The following TTC34 variants were observed in gnomAD, a reference collection of about 807,000 sequenced individuals.
TTC34 encodes tetratricopeptide repeat domain 34.
TTC34 carries 44 observed loss-of-function variants against 40.7 expected under a neutral mutation model. The ratio of observed to expected loss-of-function variants is 1.08; its 90% confidence interval spans 0.85 to 1.39. The LOEUF (loss-of-function observed/expected upper bound fraction) is 1.39, where lower values mean the gene tolerates loss of function less well. Among genes scored for constraint, TTC34 ranks in the 40% most tolerant of loss-of-function variants. The pLI, the probability that TTC34 is intolerant of heterozygous loss-of-function variation, is 0.00. For missense variants in TTC34, 884 were observed against 838.0 expected (o/e 1.05, Z -0.68); for synonymous variants, 422 against 398.6 (o/e 1.06, Z -0.70).
intron 6 of TTC34, among the ~76,000 whole-genome samples, chr1:2,773,222 G>C (rs867231641): frequency 1.0e-4 from 2 of 19,814 alleles, no homozygotes; most frequent in East Asian, 1.9e-3. Context: ...CCACACCCCC[G>C]GGCGAGCATC....
At position 2,641,910 on chromosome 1, in the gene TTC34, CAGAG is replaced by C; in HGVS notation, c.2713-19_2713-16del. 1 of 1,456,952 alleles carries C rather than the reference CAGAG, an allele frequency of 6.9e-7. No homozygotes were observed. Among genetic ancestry groups the C allele is most frequent in the Non-Finnish European group, 9.0e-7 (1 of 1,107,136 alleles). The allele number at this position is 1,456,952 out of a possible 1,614,324, so 90.3% of individuals were successfully genotyped here. ...TGGGCCGCCGCCTGCACAGAGGACA[CAGAG>C]AGAGGCAGGGAGAGTGGGGTCAGCC... On this transcript the variant is annotated splice_polypyrimidine_tract_variant and intron_variant, in intron 8 of 8. Coordinates refer to ENST00000401095, the Ensembl canonical transcript of TTC34.
intron 6 of TTC34, among the ~76,000 whole-genome samples, chr1:2,694,971 AG>A (rs1640792840): frequency 6.7e-6 from 1 of 148,370 alleles, no homozygotes; most frequent in African/African-American, 2.4e-5. Flanking sequence ...AGCATCTGAC[AG>A]CCTGGAGCAG....
chr1:2,681,858 C>A (rs1269200288), intron 6 of TTC34, among the ~76,000 whole-genome samples: 17 of 102,222 alleles, frequency 1.7e-4, no homozygotes, highest in Non-Finnish European at 2.3e-4. Context: ...TGGAACAGAA[C>A]CCACACGCCC....
At chr1:2,787,573 C>A in exon 4 of TTC34, 2 of 1,546,962 alleles carry the variant, frequency 1.3e-6, no homozygotes, top group Non-Finnish European at 1.7e-6. Flanking sequence ...GATAGGGCCA[C>A]CAGCAGGGCC....
intron 6 of TTC34, among the ~76,000 whole-genome samples, chr1:2,695,117 A>G (rs78031288): frequency 0.02 from 307 of 15,566 alleles, 3 homozygotes; most frequent in African/African-American, 0.032. Flanking sequence ...CCCATACGCC[A>G]AGATGAGCAT....
chr1:2,752,287 G>A lies in TTC34; in HGVS notation c.2226+31322C>T, dbSNP rs1453135009. ...CTCTGACAGCCTGGAACAGCACCTT[G>A]CACCCCCAGGGGAGCATCTGACAGC... is the stretch of plus-strand genomic sequence containing the variant. On this transcript the variant is annotated intron_variant, in intron 6 of 8. Transcript: ENST00000401095. Among the ~76,000 whole-genome samples, 3 of 72,686 alleles carry A rather than the reference G, an allele frequency of 4.1e-5. 1 individual carries two copies. The highest frequency in any genetic ancestry group is 7.4e-5 in the Non-Finnish European group (3 of 40,594). 47.7% of individuals were successfully genotyped at this position (72,686 alleles called of 152,430 possible).
intron 2 of TTC34, among the ~76,000 whole-genome samples, chr1:2,794,196 C>G (rs1011063974): frequency 6.6e-6 from 1 of 151,918 alleles, no homozygotes; most frequent in African/African-American, 2.4e-5. Context: ...TTGTAGAGAC[C>G]AGTTCCCACT....
chr1:2,748,509 C>CTCCCACACCCCTAGGTG (rs1641219042), intron 6 of TTC34, among the ~76,000 whole-genome samples: 2 of 120,212 alleles, frequency 1.7e-5, no homozygotes, highest in African/African-American at 3.1e-5. Flanking sequence ...TAGCCTGGAG[C>CTCCCACACCCCTAGGTG]AGCACCCACA....
intron 5 of TTC34, among the ~76,000 whole-genome samples, chr1:2,785,545 G>T (rs148514442): frequency 6.6e-6 from 1 of 152,190 alleles, no homozygotes; most frequent in African/African-American, 2.4e-5. Context: ...AGGACTGGGG[G>T]TGCTGGGACG....
chr1:2,685,799 C>G (rs542044449), intron 6 of TTC34, among the ~76,000 whole-genome samples: 13 of 96,008 alleles, frequency 1.4e-4, no homozygotes, highest in African/African-American at 5.5e-4. Flanking sequence ...GAACCCACAC[C>G]CCCAGGTGAG....
intron 5 of TTC34, among the ~76,000 whole-genome samples, chr1:2,784,138 G>A (rs567564345): frequency 5.3e-5 from 8 of 152,270 alleles, no homozygotes; most frequent in Non-Finnish European, 8.8e-5. Context: ...TACAAGACGA[G>A]GGGGGCAGGG....
At chr1:2,777,505 G>A (rs1643276916) in intron 6 of TTC34, among the ~76,000 whole-genome samples, 1 of 152,200 alleles carries the variant, frequency 6.6e-6, no homozygotes, top group Non-Finnish European at 1.5e-5. Context: ...TTTCCACCAG[G>A]TGAGCATATG....
intron 6 of TTC34, among the ~76,000 whole-genome samples, chr1:2,765,763 T>C (rs1437776212): frequency 2.8e-4 from 9 of 32,364 alleles, no homozygotes; most frequent in Non-Finnish European, 3.7e-4. Context: ...CACCCCCAGG[T>C]GAGCATGTGA....
intron 6 of TTC34, among the ~76,000 whole-genome samples, chr1:2,757,309 C>CTT (rs1641537722): frequency 8.4e-6 from 1 of 118,928 alleles, no homozygotes; most frequent in Non-Finnish European, 1.7e-5. Context: ...GCACCCACAC[C>CTT]CCCAGGCGAG....
chr1:2,786,976 G>A (rs1643598922), intron 4 of TTC34, among the ~76,000 whole-genome samples: 1 of 152,188 alleles, frequency 6.6e-6, no homozygotes, highest in Admixed American at 6.5e-5. Flanking sequence ...TCCCACCAGA[G>A]TGTAACCTTT....
Position 2,777,398 on chromosome 1 carries a change from C to A in TTC34, c.2226+6211G>T, listed in dbSNP as rs144109645. Among the ~76,000 whole-genome samples the A allele has an allele frequency of 2.7e-3, 413 of 151,870 alleles. 2 individuals carry two copies. The highest frequency in any genetic ancestry group is 7.0e-3 in the Admixed American group (107 of 15,266). ...CACCTCCAGGGGAGCATCTGACAGCCTGGAACAGCACTCCACACCTCCAGG... is the reference window on the plus strand; with the variant it reads ...CACCTCCAGGGGAGCATCTGACAGCATGGAACAGCACTCCACACCTCCAGG... On this transcript the variant is annotated intron_variant, in intron 6 of 8. Transcript: ENST00000401095.
At chr1:2,642,518 TC>T (rs1196186583) in intron 8 of TTC34, among the ~76,000 whole-genome samples, 1 of 152,052 alleles carries the variant, frequency 6.6e-6, no homozygotes, top group East Asian at 1.9e-4. Context: ...CCCCCACTCC[TC>T]CCGGGCACTT....
At chr1:2,749,518 CCAGATTCCCAGGCAAGCATCTG>C in intron 6 of TTC34, among the ~76,000 whole-genome samples, 1 of 79,242 alleles carries the variant, frequency 1.3e-5, no homozygotes, top group South Asian at 5.7e-4. Context: ...GGAGCAGCAC[CCAGATTCCCAGGCAAGCATCTG>C]AACGCAAATA....
At chr1:2,682,096 A>T (rs1338138256) in intron 6 of TTC34, among the ~76,000 whole-genome samples, 1 of 140,794 alleles carries the variant, frequency 7.1e-6, no homozygotes, top group Non-Finnish European at 1.6e-5. Context: ...AGCCTGGAGC[A>T]GCACCCACAC....
Sources: allele counts gnomAD v4.1 joint callset (sites outside exome capture counted in the v4.1 genomes callset), GRCh38; gene constraint gnomAD v4.1.1; transcripts MANE v1.5; gene names NCBI Gene and HGNC (gene_info 2026-07-23, HGNC 2026-07-21).